MYO7A: variants seen among roughly 807,000 people sequenced by gnomAD.
MYO7A encodes myosin VIIA.
A neutral mutation model predicts 263.8 loss-of-function variants in MYO7A; 210 were observed. That is an observed-to-expected ratio of 0.80 (90% CI 0.71 to 0.89). MYO7A has a LOEUF of 0.89. MYO7A is among the 40% of genes least tolerant of loss of function. The pLI, the probability that MYO7A is intolerant of heterozygous loss-of-function variation, is 0.00. For synonymous variants in MYO7A, 1,239 were observed against 1,197.3 expected, an observed-to-expected ratio of 1.03 and a Z score of -0.72; for missense variants, 2,820 against 2,968.3, an observed-to-expected ratio of 0.95 and a Z score of 1.16.
At chr11:77,145,541 C>CT (rs1655517590) in intron 3 of MYO7A, among the ~76,000 whole-genome samples, 1 of 152,182 alleles carries the variant, frequency 6.6e-6, no homozygotes, top group Admixed American at 6.5e-5. Context: ...CCTCTCCCCT[C>CT]CTGTCCACAC....
Position 77,184,626 on chromosome 11 carries a change from G to A in MYO7A, c.3414G>A (p.Gln1138=), listed in dbSNP as rs1955523567. 2 of 1,577,754 alleles carry A rather than the reference G, an allele frequency of 1.3e-6. No homozygotes were observed. Among genetic ancestry groups the A allele is most frequent in the African/African-American group, 2.7e-5 (2 of 74,164 alleles). ...KRLHDGESTV[Q]GNSMLEDRPT... ...TGCATGACGGGGAGTCCACAGTGCAGGGCAACAGCATGCTGGAGGACCGGC... is the reference window on the plus strand; with the variant it reads ...TGCATGACGGGGAGTCCACAGTGCAAGGCAACAGCATGCTGGAGGACCGGC... The change falls in exon 27 of 49, where the codon CAG becomes CAA. Residue 1138 remains glutamine, a synonymous_variant. Transcript: ENST00000409709.
Position 77,179,893 on chromosome 11 carries a change from C to T in MYO7A, c.2526C>T (p.Thr842=), listed in dbSNP as rs782594184. The T allele has an allele frequency of 6.5e-6, 10 of 1,539,692 alleles. No homozygotes were observed. Among genetic ancestry groups the T allele is most frequent in the Admixed American group, 5.9e-5 (3 of 50,962 alleles). ...GCCACCGCCTCTGGGCTGTGCTCAC[C>T]GTGCAGGCCTATGCCCGGGGCATGA... ...AFRHRLWAVL[T]VQAYARGMIA... Residue 842 remains threonine (T), a synonymous_variant, in exon 21 of 49, where the codon ACC becomes ACT. Coordinates refer to ENST00000409709, the MANE Select transcript of MYO7A (RefSeq NM_000260.4).
chr11:77,198,379 T>C (rs947651289), intron 33 of MYO7A, 116 bp from the exon 34 acceptor site: 32 of 1,364,416 alleles, frequency 2.3e-5, no homozygotes, highest in Non-Finnish European at 3.2e-5. Context: ...AGCCTCAGTT[T>C]CCATATCTAT....
chr11:77,150,611 G>A (rs1355241385), intron 4 of MYO7A, among the ~76,000 whole-genome samples: 1 of 152,160 alleles, frequency 6.6e-6, no homozygotes, highest in African/African-American at 2.4e-5. Context: ...AGAGGGAGGA[G>A]GCAGGGCCGT....
At chr11:77,158,658 T>TA (rs1286437786) in intron 9 of MYO7A, among the ~76,000 whole-genome samples, 2 of 152,200 alleles carry the variant, frequency 1.3e-5, no homozygotes, top group Non-Finnish European at 2.9e-5. Flanking sequence ...GAGGTACAGT[T>TA]AAAGTATATT....
intron 37 of MYO7A, among the ~76,000 whole-genome samples, chr11:77,202,747 G>T (rs1957156763): frequency 6.6e-6 from 1 of 151,450 alleles, no homozygotes; most frequent in East Asian, 1.9e-4. Context: ...GGGGCGGGGG[G>T]TGGGGGGCAG....
intron 15 of MYO7A, among the ~76,000 whole-genome samples, chr11:77,170,572 G>A (rs1482963794): frequency 6.6e-6 from 1 of 152,184 alleles, no homozygotes; most frequent in Non-Finnish European, 1.5e-5. Flanking sequence ...TGTTGAGAGT[G>A]TAAGGGTCCC....
At chr11:77,166,192 G>A (rs782642011) in intron 15 of MYO7A, 30 bp downstream of exon 15, 1 of 1,597,130 alleles carries the variant, frequency 6.3e-7, no homozygotes, top group Non-Finnish European at 8.6e-7. Context: ...TGTTGTTCGG[G>A]AAGGGCCCCC....
chr11:77,146,119 G>A (rs1374720489), intron 3 of MYO7A, among the ~76,000 whole-genome samples: 2 of 152,318 alleles, frequency 1.3e-5, no homozygotes, highest in Middle Eastern at 3.4e-3. Context: ...TCAGAAACTG[G>A]GAAACCTCCG....
intron 31 of MYO7A, among the ~76,000 whole-genome samples, chr11:77,193,740 C>T (rs889317438): frequency 3.9e-5 from 6 of 152,174 alleles, no homozygotes; most frequent in African/African-American, 1.4e-4. Context: ...GCTGCTGGAG[C>T]CCTGGGGAGC....
In MYO7A at chr11:77,130,573, GTCTCTCT is replaced by G; in HGVS notation, c.-46-15_-46-9del. 6.3e-7 allele frequency: 1 copy of G among 1,598,610 alleles called. No homozygotes were observed. The highest frequency in any genetic ancestry group is 1.1e-5 in the South Asian group (1 of 88,420). On this transcript the variant is annotated splice_polypyrimidine_tract_variant and intron_variant, in intron 1 of 48. Transcript: ENST00000409709. The stretch of plus-strand genomic sequence containing the variant: ...CTGGCCTGCCCAGAAGCATGACATG[GTCTCTCT>G]CCCTGCAGAACTGTGCCTGGCCCAG...
At chr11:77,158,524 C>A in intron 9 of MYO7A, 94 bp downstream of exon 9, 2 of 1,415,362 alleles carry the variant, frequency 1.4e-6, no homozygotes, top group African/African-American at 1.4e-5. Context: ...CAGTTTCTGT[C>A]CTAGCACGTG....
chr11:77,208,425 C>G lies in MYO7A; in HGVS notation c.5857-5C>G, dbSNP rs762522129. The G allele has an allele frequency of 2.5e-6, 4 of 1,609,048 alleles. No individual in the cohort carries two copies. The East Asian group carries it at 8.9e-5, about 36-fold the overall frequency. ...CTGAGTGTGCTTCGATGGCCCTGAC[C>G]CCAGGTCCTCAGCGTTCCTGAGAAT... On this transcript the variant is annotated splice_region_variant and splice_polypyrimidine_tract_variant and intron_variant, in intron 42 of 48. Transcript: ENST00000409709.
In MYO7A at chr11:77,156,104, G is replaced by A. The variant is rs1952437147; in HGVS notation, c.470+13G>A. On this transcript the variant is annotated intron_variant, in intron 5 of 48. Transcript: ENST00000409709. ...GCTGCATCATCAGGTGGGCGGCCCAGCACCTGTGTGGAGCTCCAGGCTTAG... is the reference window on the plus strand; with the variant it reads ...GCTGCATCATCAGGTGGGCGGCCCAACACCTGTGTGGAGCTCCAGGCTTAG... The A allele has an allele frequency of 1.6e-5, 26 of 1,612,894 alleles. No individual in the cohort carries two copies. The highest frequency in any genetic ancestry group is 2.2e-5 in the Non-Finnish European group (26 of 1,179,558).
At position 77,202,318 on chromosome 11, in the gene MYO7A, C is replaced by G. The variant is rs1355345202; in HGVS notation, c.5062C>G (p.Pro1688Ala). The G allele has an allele frequency of 6.3e-7, 1 of 1,586,458 alleles. No individual in the cohort carries two copies. ...REIVALVTMT[P>A]DQRQDVVRLL... ...TCCCTAGGCCCTGGTCACCATGACT[C>G]CCGATCAGAGGCAGGACGTTGTCCG... Residue 1688 changes from proline to alanine, a missense_variant, in exon 37 of 49, where the codon CCC becomes GCC. Pro to Ala is a conservative substitution (Grantham distance 27). Coordinates refer to ENST00000409709, the MANE Select transcript of MYO7A (RefSeq NM_000260.4).
At position 77,158,360 on chromosome 11, in the gene MYO7A, T is replaced by C; in HGVS notation, c.933T>C (p.Thr311=). The C allele has an allele frequency of 4.3e-6, 7 of 1,613,406 alleles. No homozygotes were observed. Among genetic ancestry groups the C allele is most frequent in the Non-Finnish European group, 5.9e-6 (7 of 1,179,794 alleles). ...CCGCCATGAAGGTGCTCATGTTCAC[T>C]GACACCGAGAACTGGGAGATCTCGA... The part of the protein sequence containing the change: ...IRSAMKVLMF[T]DTENWEISKL... Residue 311 remains threonine (T), a synonymous_variant, in exon 9 of 49, where the codon ACT becomes ACC. Transcript: ENST00000409709.
At chr11:77,164,482 G>A (rs1195751502) in intron 14 of MYO7A, among the ~76,000 whole-genome samples, 1 of 152,158 alleles carries the variant, frequency 6.6e-6, no homozygotes, top group Non-Finnish European at 1.5e-5. Context: ...CTCCGTTGCT[G>A]AACTGGTCCA....
chr11:77,146,270 G>A (rs1951560091), intron 3 of MYO7A, among the ~76,000 whole-genome samples: 1 of 152,226 alleles, frequency 6.6e-6, no homozygotes, highest in African/African-American at 2.4e-5. Context: ...GGGTCCTTGT[G>A]TCTAGCGCAT....
Position 77,181,491 on chromosome 11 carries a change from C to T in MYO7A, c.2806C>T (p.Pro936Ser), listed in dbSNP as rs559446180. The change falls in exon 23 of 49, where the codon CCT becomes TCT. Residue 936 changes from proline to serine, a missense_variant. By Grantham distance (74) the Pro-to-Ser change is moderately conservative. Coordinates refer to ENST00000409709, the MANE Select transcript of MYO7A (RefSeq NM_000260.4). Reference protein sequence around the residue: ...LEQMERARHEPVNHSDMVDKM... With the variant: ...LEQMERARHESVNHSDMVDKM... Reference sequence around the variant, plus strand: ...GCAGATGGAAAGGGCCCGCCATGAGCCTGTCAATCACTCAGACATGGTGGA... The same window carrying T: ...GCAGATGGAAAGGGCCCGCCATGAGTCTGTCAATCACTCAGACATGGTGGA... 42 of 1,613,366 alleles carry T rather than the reference C, an allele frequency of 2.6e-5. 1 individual carries two copies. The South Asian group carries it at 4.1e-4, about 16-fold the overall frequency.
Sources: gnomAD v4.1 joint callset for allele counts (sites outside exome capture counted in the v4.1 genomes callset) on GRCh38, gnomAD v4.1.1 for gene constraint, MANE v1.5 for transcripts, NCBI Gene and HGNC (gene_info 2026-07-23, HGNC 2026-07-21) for gene names.